UBR2: variants seen among roughly 807,000 people sequenced by gnomAD.
The protein encoded by UBR2 is E3 ubiquitin-protein ligase UBR2.
In UBR2, 92 loss-of-function variants were observed where a neutral mutation model predicts 247.9. That is an observed-to-expected ratio of 0.37 (90% CI 0.31 to 0.44). UBR2 has a LOEUF of 0.44. Among genes scored for constraint, UBR2 ranks in the 20% least tolerant of loss-of-function variants. The pLI is 1.00. For synonymous variants in UBR2, 672 were observed against 693.5 expected, an observed-to-expected ratio of 0.97 and a Z score of 0.49; for missense variants, 1,613 against 2,112.6, an observed-to-expected ratio of 0.76 and a Z score of 4.64.
Position 42,678,679 on chromosome 6 carries a change from A to C in UBR2, c.4609+10A>C. ...CCACCCGACATTCAAGGTAATTTAT[A>C]CTTTCTTTCAAAACGTAGGGAGAGT... On this transcript the variant is annotated intron_variant, in intron 41 of 46. Transcript: ENST00000372901. 1 of 1,604,924 alleles carries C rather than the reference A, an allele frequency of 6.2e-7. No individual in the cohort carries two copies.
intron 23 of UBR2, among the ~76,000 whole-genome samples, chr6:42,651,577 G>A (rs992745609): frequency 3.3e-5 from 5 of 151,968 alleles, no homozygotes; most frequent in Admixed American, 3.3e-4. Context: ...TAGAGCCCCT[G>A]CCTCCCAGGT....
At position 42,658,816 on chromosome 6, in the gene UBR2, T is replaced by C; in HGVS notation, c.3234T>C (p.Leu1078=). Residue 1078 remains leucine, a synonymous_variant, in exon 29 of 47, where the codon CTT becomes CTC. Transcript: ENST00000372901. ...LELDASTSAV[L]DHSPVASDMT... is the part of the protein sequence containing the mutation. ...TGGATGCCTCAACCTCTGCTGTTCT[T>C]GATCATAGGTAAAAAAAAAAAAAAA... 1 of 1,523,266 alleles carries C rather than the reference T, an allele frequency of 6.6e-7. No homozygotes were observed. The highest frequency in any genetic ancestry group is 8.7e-7 in the Non-Finnish European group (1 of 1,146,242). The allele number at this position is 1,523,266 out of a possible 1,614,324, so 94.4% of individuals were successfully genotyped here. A position where few individuals can be genotyped will look rare whatever the true frequency, so the allele number is the denominator to read the frequency against.
intron 38 of UBR2, among the ~76,000 whole-genome samples, chr6:42,675,775 C>T (rs148806290): frequency 2.9e-4 from 44 of 152,132 alleles, no homozygotes; most frequent in African/African-American, 8.2e-4. Context: ...GCCTGGCCAA[C>T]GTGGCAAAAC....
chr6:42,670,944 G>T (rs531735768), intron 36 of UBR2, among the ~76,000 whole-genome samples: 3 of 152,340 alleles, frequency 2.0e-5, no homozygotes, highest in African/African-American at 7.2e-5. Flanking sequence ...CCAGCACTTT[G>T]GGAGGCCGAG....
At chr6:42,638,743 C>T (rs1162988200) in intron 15 of UBR2, among the ~76,000 whole-genome samples, 2 of 150,284 alleles carry the variant, frequency 1.3e-5, no homozygotes, top group East Asian at 1.9e-4. Context: ...ATGCCCTGCA[C>T]GTGCCCTTAA....
intron 2 of UBR2, among the ~76,000 whole-genome samples, chr6:42,575,040 G>A (rs1791414982): frequency 6.6e-6 from 1 of 151,670 alleles, no homozygotes; most frequent in Admixed American, 6.6e-5. Context: ...AAGATATATG[G>A]CAATTTTAAA....
At position 42,605,732 on chromosome 6, in the gene UBR2, A is replaced by G. The variant is rs770567208; in HGVS notation, c.674A>G (p.Asp225Gly). ...ATTTTATCACACAGAGAGAAGAGTG[A>G]CACCTACTATTGCATGCTGTTTAAT... ...PADLEMVEKS[D>G]TYYCMLFNDE... is the part of the protein sequence containing the mutation. The change falls in exon 6 of 47, where the codon GAC becomes GGC. Residue 225 changes from aspartate to glycine, a missense_variant. Around this residue, in one of 3 missense-constraint regions of UBR2, gnomAD observed 1,524 missense variants for 1,967.3 expected, o/e 0.77. Transcript: ENST00000372901. The G allele has an allele frequency of 6.2e-7, 1 of 1,602,286 alleles. No individual in the cohort carries two copies. The highest frequency in any genetic ancestry group is 2.2e-5 in the East Asian group (1 of 44,806).
intron 43 of UBR2, among the ~76,000 whole-genome samples, chr6:42,683,771 A>G (rs2151993847): frequency 1.3e-5 from 2 of 152,356 alleles, no homozygotes; most frequent in South Asian, 4.1e-4. Context: ...TGGATTAACA[A>G]TTGAAATGCA....
Position 42,666,260 on chromosome 6 carries a change from T to C in UBR2, c.3881+15T>C. The C allele has an allele frequency of 6.3e-7, 1 of 1,582,574 alleles. No homozygotes were observed. Among genetic ancestry groups the C allele is most frequent in the Non-Finnish European group, 8.6e-7 (1 of 1,160,010 alleles). Reference sequence around the variant, plus strand: ...TTTCGTCCTAAGTGAGTATATTATTTTACTCCTTTAATATTTGACCCATTT... The same window carrying C: ...TTTCGTCCTAAGTGAGTATATTATTCTACTCCTTTAATATTTGACCCATTT... On this transcript the variant is annotated intron_variant, in intron 34 of 46. Transcript: ENST00000372901.
rs1316293846 is a variant in UBR2 at position 42,692,346 on chromosome 6, T to C, written c.*1173T>C. 1 of 152,226 alleles carries C rather than the reference T, an allele frequency of 6.6e-6. No individual in the cohort carries two copies. The highest frequency in any genetic ancestry group is 1.5e-5 in the Non-Finnish European group (1 of 68,042). The allele number at this position is 152,226 out of a possible 1,614,324, so 9.4% of individuals were successfully genotyped here. On this transcript the variant is annotated 3_prime_UTR_variant, in exon 47 of 47. Coordinates refer to ENST00000372901, the MANE Select transcript of UBR2 (RefSeq NM_001363705.2). Reference sequence around the variant, plus strand: ...CTTCCTTGCTGGCTCACTTAGTGCATTCCTGGGATGGTCTGGCACCCAGGC... The same window carrying C: ...CTTCCTTGCTGGCTCACTTAGTGCACTCCTGGGATGGTCTGGCACCCAGGC...
chr6:42,568,586 C>T (rs2082514379), intron 1 of UBR2, among the ~76,000 whole-genome samples: 1 of 151,858 alleles, frequency 6.6e-6, no homozygotes, highest in Non-Finnish European at 1.5e-5. Flanking sequence ...AAAAATTAGC[C>T]GGGCGTGGTG....
intron 1 of UBR2, among the ~76,000 whole-genome samples, chr6:42,565,610 G>A (rs1790734180): frequency 6.6e-6 from 1 of 152,158 alleles, no homozygotes; most frequent in African/African-American, 2.4e-5. Context: ...GCCCAGGCTG[G>A]AGTGCAGTGG....
intron 2 of UBR2, among the ~76,000 whole-genome samples, chr6:42,579,605 C>T (rs1791745435): frequency 6.6e-6 from 1 of 152,180 alleles, no homozygotes; most frequent in Non-Finnish European, 1.5e-5. Flanking sequence ...TCACTGCAGC[C>T]TCCAACTCCT....
chr6:42,616,076 G>A lies in UBR2; in HGVS notation c.1168G>A (p.Val390Ile). ...MDLKYKKLFA[V>I]RFAKNYERLQ... ...TTTGAAATACAAGAAACTATTTGCT[G>A]TTCGATTTGCAAAAGTAAGTGGCTT... Residue 390 changes from valine to isoleucine, a missense_variant, in exon 10 of 47, where the codon GTT becomes ATT. Around this residue, in one of 3 missense-constraint regions of UBR2, gnomAD observed 1,524 missense variants for 1,967.3 expected, o/e 0.77. Transcript: ENST00000372901. 1.2e-6 allele frequency: 2 copies of A among 1,606,032 alleles called. No homozygotes were observed. Among genetic ancestry groups the A allele is most frequent in the Non-Finnish European group, 1.7e-6 (2 of 1,178,076 alleles).
At chr6:42,633,058 A>T (rs1242196637) in intron 13 of UBR2, among the ~76,000 whole-genome samples, 154 bp downstream of exon 13, 3 of 146,474 alleles carry the variant, frequency 2.0e-5, no homozygotes, top group Admixed American at 7.0e-5. Flanking sequence ...AGACACAACC[A>T]TAGTGTACTA....
chr6:42,586,822 CTT>C (rs34530579), intron 2 of UBR2, among the ~76,000 whole-genome samples: 3 of 123,894 alleles, frequency 2.4e-5, no homozygotes, highest in African/African-American at 3.1e-5. Context: ...CACCTATAAA[CTT>C]TTTTTTTTTT....
At chr6:42,598,252 A>T (rs1298587227) in intron 4 of UBR2, among the ~76,000 whole-genome samples, 3 of 152,242 alleles carry the variant, frequency 2.0e-5, no homozygotes, top group African/African-American at 4.8e-5. Context: ...ATTTTGTGAC[A>T]TGAGAAAATT....
Position 42,679,779 on chromosome 6 carries a change from C to A in UBR2, c.4665C>A (p.Asn1555Lys). ...GTAGCTATCTTTCCCTACCAAACAA[C>A]CTCATTTGCCTTTTTCAAGAAAATA... ...HLCSYLSLPNNLICLFQENSE... is the reference protein window; with the variant it reads ...HLCSYLSLPNKLICLFQENSE... Residue 1555 changes from asparagine (N) to lysine (K), a missense_variant, in exon 42 of 47, where the codon AAC becomes AAA. Asn to Lys is a moderately conservative substitution (Grantham distance 94). This residue lies in a region of UBR2 where 1,524 missense variants were observed against 1,967.3 expected (regional missense o/e 0.77). Transcript: ENST00000372901. The A allele has an allele frequency of 6.2e-7, 1 of 1,613,640 alleles. No individual in the cohort carries two copies. Among genetic ancestry groups the A allele is most frequent in the Non-Finnish European group, 8.5e-7 (1 of 1,179,866 alleles).
intron 8 of UBR2, among the ~76,000 whole-genome samples, chr6:42,614,380 ATATGTATGTACGTACATACATACGTATG>A (rs1408237817): frequency 5.5e-4 from 72 of 131,636 alleles, no homozygotes; most frequent in Middle Eastern, 3.6e-3. Flanking sequence ...ATGTGTGTAT[ATATGTATGTACGTACATACATACGTATG>A]TATGTACGTA....
Sources: allele counts gnomAD v4.1 joint callset (sites outside exome capture counted in the v4.1 genomes callset), GRCh38; gene constraint gnomAD v4.1.1; regional missense constraint gnomAD v4.1.1; transcripts MANE v1.5; gene names NCBI Gene and HGNC (gene_info 2026-07-23, HGNC 2026-07-21).